CNTN4: variants seen among roughly 807,000 people sequenced by gnomAD.
The protein encoded by CNTN4 is contactin-4.
CNTN4 carries 77 observed loss-of-function variants against 122.5 expected under a neutral mutation model. That is an observed-to-expected ratio of 0.63 (90% CI 0.52 to 0.76). The LOEUF (loss-of-function observed/expected upper bound fraction) is 0.76, where lower values mean the gene tolerates loss of function less well. CNTN4 is among the 30% of genes least tolerant of loss of function. CNTN4 has a pLI of 0.00. For missense variants in CNTN4, 1,256 were observed against 1,259.1 expected (o/e 1.00, Z 0.04); for synonymous variants, 512 against 447.0 (o/e 1.15, Z -1.83).
intron 4 of CNTN4, among the ~76,000 whole-genome samples, chr3:2,631,083 A>T (rs190516108): frequency 1.4e-4 from 22 of 152,216 alleles, no homozygotes; most frequent in Non-Finnish European, 3.1e-4. Flanking sequence ...TTAAGTCTTA[A>T]CAATGTTTTC....
intron 4 of CNTN4, among the ~76,000 whole-genome samples, chr3:2,721,678 G>T (rs1232434351): frequency 5.9e-5 from 9 of 152,178 alleles, no homozygotes; most frequent in Non-Finnish European, 5.9e-5. Flanking sequence ...AGTTACTGCT[G>T]TTTTTGCCTG....
intron 3 of CNTN4, among the ~76,000 whole-genome samples, chr3:2,452,880 C>G (rs990203): frequency 0.42 from 63,228 of 151,786 alleles, 13,949 homozygotes; most frequent in East Asian, 0.77. Flanking sequence ...GAAGCCTAGA[C>G]CCCTCTTCTC....
chr3:2,705,862 T>C (rs1252375100), intron 4 of CNTN4, among the ~76,000 whole-genome samples: 1 of 83,414 alleles, frequency 1.2e-5, no homozygotes, highest in Non-Finnish European at 2.0e-5. Context: ...TATATGTGTT[T>C]ATATATAATA....
chr3:2,707,620 T>G (rs1012331901), intron 4 of CNTN4, among the ~76,000 whole-genome samples: 2 of 148,662 alleles, frequency 1.3e-5, no homozygotes, highest in African/African-American at 4.9e-5. Context: ...TTAAATATTG[T>G]TTGATGCTTC....
chr3:2,379,474 A>G (rs980990114), intron 3 of CNTN4, among the ~76,000 whole-genome samples: 1 of 152,146 alleles, frequency 6.6e-6, no homozygotes, highest in African/African-American at 2.4e-5. Flanking sequence ...TCAATATCCT[A>G]ATGTAAAAGA....
At chr3:2,797,590 C>G (rs912100870) in intron 6 of CNTN4, among the ~76,000 whole-genome samples, 1 of 152,110 alleles carries the variant, frequency 6.6e-6, no homozygotes, top group Non-Finnish European at 1.5e-5. Flanking sequence ...AAGAGCGAAA[C>G]TCCGCCTCAA....
intron 2 of CNTN4, among the ~76,000 whole-genome samples, chr3:2,285,708 A>G (rs1193025244): frequency 1.3e-5 from 2 of 152,234 alleles, no homozygotes; most frequent in South Asian, 2.1e-4. Flanking sequence ...ACACGAAGAG[A>G]TCATCACTAA....
In CNTN4 at chr3:2,486,989, A is replaced by G. The variant is rs1032635280; in HGVS notation, c.-88-84427A>G. 6.6e-5 allele frequency among the ~76,000 whole-genome samples: 10 copies of G among 152,326 alleles called. No homozygotes were observed. In the Middle Eastern group the frequency reaches 0.017, roughly 259 times the overall value. On this transcript the variant is annotated intron_variant, in intron 3 of 24. Coordinates refer to ENST00000418658, the MANE Select transcript of CNTN4 (RefSeq NM_175607.3). ...AAGTTAGGCGATCCTTTCTTTATAT[A>G]AATCACATAGAAATTTATAGCCTAG...
chr3:2,199,216 T>C (rs901805961), intron 2 of CNTN4, among the ~76,000 whole-genome samples: 1 of 152,216 alleles, frequency 6.6e-6, no homozygotes, highest in Non-Finnish European at 1.5e-5. Flanking sequence ...AAAATGCAGC[T>C]TTAGCTAACC....
chr3:2,790,665 A>G (rs1432697504), intron 6 of CNTN4, among the ~76,000 whole-genome samples: 1 of 152,236 alleles, frequency 6.6e-6, no homozygotes, highest in African/African-American at 2.4e-5. Context: ...AATTTATCCA[A>G]CTGCTTTGGT....
intron 4 of CNTN4, among the ~76,000 whole-genome samples, chr3:2,696,928 A>C (rs2086067477): frequency 6.6e-6 from 1 of 152,202 alleles, no homozygotes; most frequent in African/African-American, 2.4e-5. Context: ...AATTGCCATG[A>C]ATGGGTGACA....
At chr3:2,641,806 T>C (rs527741542) in intron 4 of CNTN4, among the ~76,000 whole-genome samples, 18 of 152,366 alleles carry the variant, frequency 1.2e-4, no homozygotes, top group African/African-American at 4.1e-4. Context: ...GCTTAGAAAC[T>C]AGGATTCTAT....
At chr3:2,189,467 G>A (rs1224112160) in intron 2 of CNTN4, among the ~76,000 whole-genome samples, 1 of 152,168 alleles carries the variant, frequency 6.6e-6, no homozygotes, top group Non-Finnish European at 1.5e-5. Flanking sequence ...GTGGTATATG[G>A]TAGTGCTGGA....
At chr3:2,356,107 C>G (rs1203284995) in intron 3 of CNTN4, among the ~76,000 whole-genome samples, 3 of 152,076 alleles carry the variant, frequency 2.0e-5, no homozygotes, top group African/African-American at 7.2e-5. Context: ...TACGTCATTT[C>G]TAGCTATTGG....
At chr3:2,401,445 G>T (rs535959098) in intron 3 of CNTN4, among the ~76,000 whole-genome samples, 1 of 152,190 alleles carries the variant, frequency 6.6e-6, no homozygotes, top group Admixed American at 6.6e-5. Context: ...GGCTATTTTG[G>T]AGCATCAGTC....
intron 2 of CNTN4, among the ~76,000 whole-genome samples, chr3:2,142,245 T>A (rs1396110413): frequency 1.3e-5 from 2 of 152,236 alleles, no homozygotes; most frequent in Non-Finnish European, 2.9e-5. Flanking sequence ...GCACAAATGA[T>A]ATCTTTTTGT....
intron 13 of CNTN4, among the ~76,000 whole-genome samples, chr3:2,937,948 G>A (rs1378635416): frequency 6.6e-6 from 1 of 152,186 alleles, no homozygotes; most frequent in African/African-American, 2.4e-5. Context: ...GGGAGGAGTT[G>A]CCATCTGTAG....
chr3:2,345,753 A>G (rs1192285465), intron 3 of CNTN4, among the ~76,000 whole-genome samples: 7 of 152,196 alleles, frequency 4.6e-5, no homozygotes, highest in Admixed American at 4.6e-4. Context: ...CGAGAAGCAG[A>G]GCTTATAGTT....
rs541142760 is a variant in CNTN4 at position 2,102,024 on chromosome 3, A to C, written c.-145+1385A>C. On this transcript the variant is annotated intron_variant, in intron 2 of 24. Coordinates refer to ENST00000418658, the MANE Select transcript of CNTN4 (RefSeq NM_175607.3). ...GATTAAGCACACTTGTTTTCCTCTC[A>C]TGGACTCATATGTGGATAGAATGAG... Among the ~76,000 whole-genome samples, 151 of 152,306 alleles carry C rather than the reference A, an allele frequency of 9.9e-4. 1 individual carries two copies. The highest frequency in any genetic ancestry group is 3.5e-3 in the African/African-American group (145 of 41,556).
Sources: allele counts gnomAD v4.1 joint callset (sites outside exome capture counted in the v4.1 genomes callset), GRCh38; gene constraint gnomAD v4.1.1; transcripts MANE v1.5; gene names NCBI Gene and HGNC (gene_info 2026-07-23, HGNC 2026-07-21).